The following DROSHA variants were observed in gnomAD, a reference collection of about 807,000 sequenced individuals.
DROSHA encodes the protein drosha ribonuclease III.
In DROSHA, 56 loss-of-function variants were observed where a neutral mutation model predicts 181.9. The ratio of observed to expected loss-of-function variants is 0.31; its 90% CI spans 0.25 to 0.38. DROSHA has a LOEUF of 0.38. Among genes scored for constraint, DROSHA ranks in the 10% least tolerant of loss-of-function variants. DROSHA has a pLI of 1.00. For synonymous variants in DROSHA, 524 were observed against 591.2 expected (o/e 0.89, Z 1.65); for missense variants, 1,218 against 1,743.5 (o/e 0.70, Z 5.37).
At chr5:31,475,544 A>T (rs570345133) in intron 16 of DROSHA, among the ~76,000 whole-genome samples, 1 of 152,322 alleles carries the variant, frequency 6.6e-6, no homozygotes, top group African/African-American at 2.4e-5. Flanking sequence ...TCACATGCAT[A>T]CACACAGAAC....
Position 31,511,057 on chromosome 5 carries a change from C to A in DROSHA, c.1410G>T (p.Lys470Asn), listed in dbSNP as rs1738611346. The A allele has an allele frequency of 6.2e-7, 1 of 1,613,874 alleles. No individual in the cohort carries two copies. The highest frequency in any genetic ancestry group is 8.5e-7 in the Non-Finnish European group (1 of 1,179,894). ...CACCTAAATCTTCATCGAGCTTCGT[C>A]TTTGGAGGTTCCCACGGAGGCCGAG... ...KAARPPWEPPKTKLDEDLESS... is the reference protein window; with the variant it reads ...KAARPPWEPPNTKLDEDLESS... The change falls in exon 9 of 36, where the codon AAG becomes AAT. Residue 470 changes from lysine (K) to asparagine (N), a missense_variant. By Grantham distance (94) the Lys-to-Asn change is moderately conservative. This residue lies in a region of DROSHA where 460 missense variants were observed against 774.2 expected (regional missense o/e 0.59). Coordinates refer to ENST00000344624, the MANE Select transcript of DROSHA (RefSeq NM_001382508.1).
chr5:31,515,340 G>T, intron 7 of DROSHA, 114 bp downstream of exon 7: 1 of 1,167,136 alleles, frequency 8.6e-7, no homozygotes, highest in Non-Finnish European at 1.2e-6. Context: ...AAATCACCGT[G>T]TGTACTTTTG....
intron 10 of DROSHA, 149 bp downstream of exon 10, chr5:31,508,472 C>T: frequency 1.7e-6 from 2 of 1,143,654 alleles, no homozygotes; most frequent in Non-Finnish European, 2.5e-6. Flanking sequence ...TGGAACTAAC[C>T]TGAAGCTGAA....
rs780968053 is a variant in DROSHA, at chr5:31,526,728, G to T, written c.205C>A (p.Pro69Thr). 2 of 1,573,348 alleles carry T rather than the reference G, an allele frequency of 1.3e-6. No homozygotes were observed. The highest frequency in any genetic ancestry group is 8.6e-7 in the Non-Finnish European group (1 of 1,162,492). The change falls in exon 5 of 36, where the codon CCC becomes ACC. Residue 69 changes from proline to threonine, a missense_variant. This residue lies in a region of DROSHA where 536 missense variants were observed against 535.4 expected (regional missense o/e 1.00). Coordinates refer to ENST00000344624, the MANE Select transcript of DROSHA (RefSeq NM_001382508.1). ...TCTGGTCGTGGAGGGAGAAAATTGG[G>T]GGCTGGAGAGTTTGAGAAAGTGGTG... ...PSTTFSNSPA[P>T]NFLPPRPDFV...
intron 23 of DROSHA, among the ~76,000 whole-genome samples, chr5:31,438,667 T>C (rs1580094258): frequency 1.3e-5 from 2 of 152,144 alleles, no homozygotes; most frequent in African/African-American, 4.8e-5. Flanking sequence ...GAGTGCTACA[T>C]ATTAACCTAC....
In DROSHA at chr5:31,529,039, C is replaced by T. The variant is rs2150065780; in HGVS notation, c.20+1G>A. 1 of 1,613,278 alleles carries T rather than the reference C, an allele frequency of 6.2e-7. No individual in the cohort carries two copies. The highest frequency in any genetic ancestry group is 8.5e-7 in the Non-Finnish European group (1 of 1,179,696). On this transcript the variant is annotated splice_donor_variant, in intron 4 of 35. Transcript: ENST00000344624. LOFTEE classifies it high-confidence loss of function. ...ATTGCCATTCCCATCACGGCACTCA[C>T]CATGTGTTTCCCTGCATCATGATGT...
chr5:31,413,506 CA>C (rs1157517829), intron 30 of DROSHA, among the ~76,000 whole-genome samples: 1 of 152,210 alleles, frequency 6.6e-6, no homozygotes, highest in Non-Finnish European at 1.5e-5. Flanking sequence ...GAACATGACC[CA>C]GGGGTATCAG....
At chr5:31,412,597 G>C (rs992387104) in intron 30 of DROSHA, among the ~76,000 whole-genome samples, 17 of 152,268 alleles carry the variant, frequency 1.1e-4, no homozygotes, top group Admixed American at 5.2e-4. Flanking sequence ...AATATAACTT[G>C]ATCTTCATAA....
intron 15 of DROSHA, among the ~76,000 whole-genome samples, chr5:31,484,358 G>T (rs1223752115): frequency 7.9e-6 from 1 of 126,494 alleles, no homozygotes; most frequent in African/African-American, 3.5e-5. Context: ...TCCGGCCTGG[G>T]CGACAGAGCG....
Position 31,526,810 on chromosome 5 carries a change from C to A in DROSHA, c.123G>T (p.Leu41=), listed in dbSNP as rs549427824. ...GCACAGGAGGCTGCTGAGGGTGAAG[C>A]AGCCTCAGATTTTGGGGCCTAAAGG... ...APSFRPQNLR[L]LHPQQPPVQY... Residue 41 remains leucine, a synonymous_variant, in exon 5 of 36, where the codon CTG becomes CTT. Coordinates refer to ENST00000344624, the MANE Select transcript of DROSHA (RefSeq NM_001382508.1). 2 of 1,612,020 alleles carry A rather than the reference C, an allele frequency of 1.2e-6. No individual in the cohort carries two copies. The highest frequency in any genetic ancestry group is 1.3e-5 in the African/African-American group (1 of 74,824).
At chr5:31,527,319 G>T (rs559937193) in intron 4 of DROSHA, among the ~76,000 whole-genome samples, 68 of 151,958 alleles carry the variant, frequency 4.5e-4, no homozygotes, top group African/African-American at 1.5e-3. Context: ...GCAGATTTGG[G>T]ATTACCACCC....
rs1440386457 is a variant in DROSHA at position 31,486,485 on chromosome 5, C to T, written c.1914+6G>A. 6.2e-7 allele frequency: 1 copy of T among 1,613,426 alleles called. No homozygotes were observed. The highest frequency in any genetic ancestry group is 1.3e-5 in the African/African-American group (1 of 75,026). ...ACATCAAACCACACACAATCTTTTCCCTTACCTCCGGCATCATCTCTTCAA... is the reference window on the plus strand; with the variant it reads ...ACATCAAACCACACACAATCTTTTCTCTTACCTCCGGCATCATCTCTTCAA... On this transcript the variant is annotated splice_donor_region_variant and intron_variant, in intron 14 of 35. Coordinates refer to ENST00000344624, the MANE Select transcript of DROSHA (RefSeq NM_001382508.1).
chr5:31,491,888 A>G (rs1302719564), intron 13 of DROSHA, among the ~76,000 whole-genome samples: 1 of 152,176 alleles, frequency 6.6e-6, no homozygotes, highest in Non-Finnish European at 1.5e-5. Flanking sequence ...TCTGCCTCCC[A>G]GGTTCAAATG....
chr5:31,511,981 T>C (rs1246256282), intron 8 of DROSHA, among the ~76,000 whole-genome samples: 1 of 150,578 alleles, frequency 6.6e-6, no homozygotes, highest in Non-Finnish European at 1.5e-5. Flanking sequence ...GACATAAACA[T>C]GCACACACTC....
chr5:31,441,253 T>A (rs74822868), intron 23 of DROSHA, among the ~76,000 whole-genome samples: 3,976 of 152,010 alleles, frequency 0.026, 163 homozygotes, highest in East Asian at 0.2. Flanking sequence ...GTACAAAAAA[T>A]TTTAAAAATG....
intron 5 of DROSHA, 78 bp from the exon 6 acceptor site, chr5:31,521,293 G>A: frequency 6.8e-7 from 1 of 1,477,168 alleles, no homozygotes. Flanking sequence ...AATTCATCTT[G>A]TAAATAAATG....
At chr5:31,488,625 C>A (rs900364899) in intron 13 of DROSHA, among the ~76,000 whole-genome samples, 1 of 152,040 alleles carries the variant, frequency 6.6e-6, no homozygotes, top group Admixed American at 6.6e-5. Context: ...GTAGCCCTTA[C>A]AAACCATGTT....
At chr5:31,454,187 G>A (rs1747370411) in intron 20 of DROSHA, among the ~76,000 whole-genome samples, 1 of 152,168 alleles carries the variant, frequency 6.6e-6, no homozygotes, top group South Asian at 2.1e-4. Flanking sequence ...AGAGAGCTCT[G>A]CCGAATCTAA....
At chr5:31,502,687 C>T (rs1247068410) in intron 11 of DROSHA, among the ~76,000 whole-genome samples, 1 of 152,244 alleles carries the variant, frequency 6.6e-6, no homozygotes, top group Admixed American at 6.5e-5. Context: ...CCTCCCTCAG[C>T]TGATGACTAA....
Sources: gnomAD v4.1 joint callset for allele counts (sites outside exome capture counted in the v4.1 genomes callset) on GRCh38, gnomAD v4.1.1 for gene constraint, gnomAD v4.1.1 regional missense constraint, MANE v1.5 for transcripts, NCBI Gene and HGNC (gene_info 2026-07-23, HGNC 2026-07-21) for gene names.